Variants in CD163 observed in about 807,000 individuals in gnomAD.
CD163 encodes CD163 molecule.
A neutral mutation model predicts 129.2 loss-of-function variants in CD163; 64 were observed. The ratio of observed to expected loss-of-function variants is 0.50; its 90% CI spans 0.41 to 0.61. CD163 has a LOEUF of 0.61. Among genes scored for constraint, CD163 ranks in the 20% least tolerant of loss-of-function variants. The pLI, the probability that CD163 is intolerant of heterozygous loss-of-function variation, is 0.00. For missense variants in CD163, 1,061 were observed against 1,377.9 expected (o/e 0.77, Z 3.64); for synonymous variants, 446 against 478.5 (o/e 0.93, Z 0.89).
At chr12:7,503,288 C>T (rs1188710666) in intron 1 of CD163, among the ~76,000 whole-genome samples, 1 of 152,172 alleles carries the variant, frequency 6.6e-6, no homozygotes, top group African/African-American at 2.4e-5. Flanking sequence ...AAATAGATAA[C>T]TCACTTATCA....
chr12:7,484,411 G>A (rs1020324989), intron 11 of CD163, among the ~76,000 whole-genome samples: 2 of 151,996 alleles, frequency 1.3e-5, no homozygotes, highest in African/African-American at 2.4e-5. Context: ...AGGCCAAGGC[G>A]GGTGGATCAC....
rs1377575763 is a variant in CD163 at position 7,485,219 on chromosome 12, T to C, written c.2656A>G (p.Ile886Val). Residue 886 changes from isoleucine to valine, a missense_variant, in exon 11 of 17, where the codon ATT becomes GTT. Ile to Val is a conservative substitution (Grantham distance 29). Coordinates refer to ENST00000432237, the MANE Select transcript of CD163 (RefSeq NM_203416.4). The surrounding 1 kb of genome is among the most constrained non-coding windows in gnomAD (Gnocchi z 4.5). ...TGAACATTGTCCACCCACATGGGAATGGACATGGCCTTGTCTAAAGATGCA... is the reference window on the plus strand; with the variant it reads ...TGAACATTGTCCACCCACATGGGAACGGACATGGCCTTGTCTAAAGATGCA... ...NPASLDKAMS[I>V]PMWVDNVQCP... The C allele has an allele frequency of 6.2e-7, 1 of 1,614,226 alleles. No individual in the cohort carries two copies. The highest frequency in any genetic ancestry group is 8.5e-7 in the Non-Finnish European group (1 of 1,180,026).
intron 16 of CD163, among the ~76,000 whole-genome samples, chr12:7,472,581 A>G (rs1591988241): frequency 6.6e-6 from 1 of 152,232 alleles, no homozygotes; most frequent in East Asian, 1.9e-4. Context: ...CATCAGCTCC[A>G]AATATCAAAG....
At position 7,485,366 on chromosome 12, in the gene CD163, CT is replaced by C. The variant is rs776773892; in HGVS notation, c.2508del (p.Arg838ValfsTer43). ...LTSEASREAC[A>X]GRLEVFYNGA... ...CCATTGTAAAAAACTTCCAGACGCC[CT>C]GCACAGGCCTCTCTGCTGGCTTCAC... On this transcript the variant is annotated frameshift_variant, in exon 11 of 17. Coordinates refer to ENST00000432237, the MANE Select transcript of CD163 (RefSeq NM_203416.4). LOFTEE classifies it high-confidence loss of function. This position sits in a 1 kb window ranked among gnomAD's most constrained non-coding sequence, Gnocchi z 4.5. 2 of 1,614,186 alleles carry C rather than the reference CT, an allele frequency of 1.2e-6. No homozygotes were observed. The highest frequency in any genetic ancestry group is 1.7e-6 in the Non-Finnish European group (2 of 1,180,006).
chr12:7,490,688 C>T (rs1345177002), intron 6 of CD163, among the ~76,000 whole-genome samples: 1 of 151,966 alleles, frequency 6.6e-6, no homozygotes, highest in Non-Finnish European at 1.5e-5. Flanking sequence ...AAACCTTTCA[C>T]CTGATACAAA....
At chr12:7,474,259 C>G (rs1281625591) in intron 16 of CD163, among the ~76,000 whole-genome samples, 4 of 152,120 alleles carry the variant, frequency 2.6e-5, no homozygotes, top group African/African-American at 9.7e-5. Flanking sequence ...CTCTCCACTC[C>G]AAATCAACAG....
chr12:7,502,545 G>A lies in CD163; in HGVS notation c.66C>T (p.Val22=). 6.3e-7 allele frequency: 1 copy of A among 1,575,142 alleles called. No individual in the cohort carries two copies. The highest frequency in any genetic ancestry group is 1.1e-5 in the South Asian group (1 of 88,628). Residue 22 remains valine (V), a synonymous_variant, in exon 2 of 17, where the codon GTC becomes GTT. Transcript: ENST00000432237. ...SGSADFRRHF[V]NLSPFTITVV... ...CAGTAATGGTGAAGGGACTCAAGTTGACAAAATGTCTTCTGAAGTCTGTGA... is the reference window on the plus strand; with the variant it reads ...CAGTAATGGTGAAGGGACTCAAGTTAACAAAATGTCTTCTGAAGTCTGTGA...
intron 6 of CD163, among the ~76,000 whole-genome samples, chr12:7,488,638 C>T (rs1032152968): frequency 3.9e-5 from 6 of 152,166 alleles, no homozygotes; most frequent in East Asian, 3.9e-4. Context: ...CAAAACATTT[C>T]GTGTATTCCT....
chr12:7,488,111 T>G (rs1949282055), intron 6 of CD163, 24 bp from the exon 7 acceptor site: 1 of 1,558,814 alleles, frequency 6.4e-7, no homozygotes, highest in African/African-American at 1.4e-5. Flanking sequence ...ATTATTTCAG[T>G]GAGAGGTAAT....
At chr12:7,473,152 C>T (rs1183223620) in intron 16 of CD163, 1 of 152,206 alleles carries the variant, frequency 6.6e-6, no homozygotes, top group Non-Finnish European at 1.5e-5. Flanking sequence ...AAACACTCTT[C>T]AGGATATTAT....
chr12:7,476,802 A>T (rs1236387699), intron 16 of CD163, among the ~76,000 whole-genome samples: 1 of 152,214 alleles, frequency 6.6e-6, no homozygotes, highest in Admixed American at 6.5e-5. Context: ...TGAACAGGCA[A>T]CCTACAGAAT....
In CD163 at chr12:7,496,870, G is replaced by A. The variant is rs762282567; in HGVS notation, c.1042C>T (p.His348Tyr). The A allele has an allele frequency of 6.2e-7, 1 of 1,614,068 alleles. No individual in the cohort carries two copies. Among genetic ancestry groups the A allele is most frequent in the East Asian group, 2.2e-5 (1 of 44,878 alleles). The change falls in exon 5 of 17, where the codon CAT becomes TAT. Residue 348 changes from histidine to tyrosine, a missense_variant. Transcript: ENST00000432237. This position sits in a 1 kb window ranked among gnomAD's most constrained non-coding sequence, Gnocchi z 4.8. ...HEPAIWQCKH[H>Y]EWGKHYCNHN... is the part of the protein sequence containing the mutation. The stretch of plus-strand genomic sequence containing the variant: ...TTGCAATAATGCTTTCCCCATTCAT[G>A]GTGTTTACATTGCCAGATAGCAGGT...
chr12:7,477,003 G>C (rs1949097279), intron 16 of CD163, among the ~76,000 whole-genome samples: 1 of 152,182 alleles, frequency 6.6e-6, no homozygotes, highest in South Asian at 2.1e-4. Flanking sequence ...ATCATCATTG[G>C]TCATCTGAGA....
chr12:7,480,607 T>C (rs901225268), intron 15 of CD163: 1 of 153,468 alleles, frequency 6.5e-6, no homozygotes, highest in Non-Finnish European at 1.4e-5. Flanking sequence ...AGAGGTCTAA[T>C]GTACAACATG....
rs1298129592 is a variant in CD163 at position 7,487,036 on chromosome 12, G to C, written c.2051-50C>G. ...ATACAAGACACAAAAGGTTAGGGGA[G>C]TCAGATGAAATGTTATATGGATGAG... On this transcript the variant is annotated intron_variant, in intron 8 of 16. Transcript: ENST00000432237. This position sits in a 1 kb window ranked among gnomAD's most constrained non-coding sequence, Gnocchi z 5.1. 2 of 1,430,116 alleles carry C rather than the reference G, an allele frequency of 1.4e-6. No homozygotes were observed. The allele number at this position is 1,430,116 out of a possible 1,614,324, so 88.6% of individuals were successfully genotyped here. A position where few individuals can be genotyped will look rare whatever the true frequency, so the allele number is the denominator to read the frequency against.
intron 16 of CD163, among the ~76,000 whole-genome samples, chr12:7,477,044 T>A (rs914136113): frequency 2.0e-5 from 3 of 152,204 alleles, no homozygotes; most frequent in Non-Finnish European, 1.5e-5. Context: ...TGAGATACCA[T>A]CTCACACCAG....
chr12:7,493,722 G>C (rs935031971), intron 6 of CD163, among the ~76,000 whole-genome samples: 2 of 151,784 alleles, frequency 1.3e-5, no homozygotes, highest in African/African-American at 4.8e-5. Context: ...GAAGTTGGGG[G>C]CCAAAAAGAA....
chr12:7,487,746 C>A lies in CD163; in HGVS notation c.1735+27G>T, dbSNP rs751290326. 1.2e-6 allele frequency: 2 copies of A among 1,613,920 alleles called. No homozygotes were observed. Among genetic ancestry groups the A allele is most frequent in the South Asian group, 1.1e-5 (1 of 91,070 alleles). ...CCTGTCCCTTTCACAGTATGAGAAC[C>A]AATTAAAGATGTTTTCTGGGTCTTA... On this transcript the variant is annotated intron_variant, in intron 7 of 16. Coordinates refer to ENST00000432237, the MANE Select transcript of CD163 (RefSeq NM_203416.4). This position sits in a 1 kb window ranked among gnomAD's most constrained non-coding sequence, Gnocchi z 5.1.
At chr12:7,498,246 T>A (rs1177310148) in intron 4 of CD163, among the ~76,000 whole-genome samples, 4 of 152,088 alleles carry the variant, frequency 2.6e-5, no homozygotes, top group Non-Finnish European at 5.9e-5. Flanking sequence ...ACACTCAATC[T>A]CCTTTTATAC....
Sources: allele counts gnomAD v4.1 joint callset (sites outside exome capture counted in the v4.1 genomes callset), GRCh38; gene constraint gnomAD v4.1.1; non-coding constraint Gnocchi (gnomAD v3.1); transcripts MANE v1.5; gene names NCBI Gene and HGNC (gene_info 2026-07-23, HGNC 2026-07-21).